The following ADGRG6 variants were observed in gnomAD, a reference collection of about 807,000 sequenced individuals.
ADGRG6 encodes G-protein coupled receptor 126.
In ADGRG6, 84 loss-of-function variants were observed where a neutral mutation model predicts 142.4. That is an observed-to-expected ratio of 0.59 (90% confidence interval 0.49 to 0.71). The LOEUF (loss-of-function observed/expected upper bound fraction) is 0.71, where lower values mean the gene tolerates loss of function less well. Ranked by LOEUF, ADGRG6 falls within the 30% of genes least tolerant of loss-of-function variation. The pLI is 0.00. For synonymous variants in ADGRG6, 521 were observed against 520.5 expected (o/e 1.00, Z -0.01); for missense variants, 1,367 against 1,466.6 (o/e 0.93, Z 1.11).
At chr6:142,412,968 T>C (rs1238842616) in intron 18 of ADGRG6, among the ~76,000 whole-genome samples, 1 of 152,110 alleles carries the variant, frequency 6.6e-6, no homozygotes, top group Admixed American at 6.6e-5. Context: ...ATTGTCTAAA[T>C]TTTATTATGA....
intron 24 of ADGRG6, among the ~76,000 whole-genome samples, chr6:142,441,632 G>C (rs1423703780): frequency 6.6e-6 from 1 of 152,158 alleles, no homozygotes; most frequent in Non-Finnish European, 1.5e-5. Context: ...CATGCCACTG[G>C]AAGTTACAAA....
chr6:142,385,368 GC>G (rs1416214827), intron 6 of ADGRG6, among the ~76,000 whole-genome samples: 1 of 152,108 alleles, frequency 6.6e-6, no homozygotes, highest in Non-Finnish European at 1.5e-5. Context: ...AATGTCATCA[GC>G]GTTTAAAAAT....
chr6:142,327,192 CATAAA>C (rs1294487703), intron 2 of ADGRG6, among the ~76,000 whole-genome samples: 2 of 150,316 alleles, frequency 1.3e-5, no homozygotes, highest in Non-Finnish European at 1.5e-5. Context: ...TTTAAAGCCT[CATAAA>C]ATAAAGAATG....
At chr6:142,328,612 A>T (rs1778896326) in intron 2 of ADGRG6, among the ~76,000 whole-genome samples, 1 of 152,130 alleles carries the variant, frequency 6.6e-6, no homozygotes, top group South Asian at 2.1e-4. Flanking sequence ...TTCTTCTATT[A>T]TGTTTCAATT....
chr6:142,351,284 A>G (rs893137131), intron 2 of ADGRG6, among the ~76,000 whole-genome samples: 1 of 152,140 alleles, frequency 6.6e-6, no homozygotes, highest in African/African-American at 2.4e-5. Context: ...TGGGGGCATC[A>G]CACTACCAGA....
intron 2 of ADGRG6, among the ~76,000 whole-genome samples, chr6:142,346,501 T>C (rs1779908250): frequency 6.6e-6 from 1 of 152,158 alleles, no homozygotes; most frequent in Admixed American, 6.6e-5. Flanking sequence ...GAGTTGTTTG[T>C]TTTTTTCTTG....
chr6:142,310,479 T>A (rs1008476307), intron 2 of ADGRG6, among the ~76,000 whole-genome samples: 1 of 151,748 alleles, frequency 6.6e-6, no homozygotes, highest in African/African-American at 2.4e-5. Flanking sequence ...TGAAGTCTTA[T>A]GTATTTATTA....
chr6:142,402,041 A>G lies in ADGRG6; in HGVS notation c.1727A>G (p.Asp576Gly). Residue 576 changes from aspartate to glycine, a missense_variant, in exon 12 of 25, where the codon GAT (aspartate) becomes GGT (glycine). This residue lies in a region of ADGRG6 where 737 missense variants were observed against 746.5 expected (regional missense o/e 0.99). Coordinates refer to ENST00000367609, the MANE Select transcript of ADGRG6 (RefSeq NM_198569.3). ...TTGGTAACCTACTGGGGACCTGTTG[A>G]TATCTCCAACTGTTTAAGTAAGTGA... ...NPLVTYWGPV[D>G]ISNCLKEANE... The G allele has an allele frequency of 2.6e-6, 4 of 1,549,942 alleles. No individual in the cohort carries two copies. Among genetic ancestry groups the G allele is most frequent in the African/African-American group, 1.4e-5 (1 of 73,886 alleles).
intron 2 of ADGRG6, among the ~76,000 whole-genome samples, chr6:142,348,114 A>G (rs1204703731): frequency 1.3e-5 from 2 of 152,170 alleles, no homozygotes; most frequent in African/African-American, 4.8e-5. Flanking sequence ...TGAACCCATT[A>G]GCTGCATGGT....
At chr6:142,428,951 C>G (rs1198904698) in intron 22 of ADGRG6, among the ~76,000 whole-genome samples, 1 of 152,092 alleles carries the variant, frequency 6.6e-6, no homozygotes, top group Non-Finnish European at 1.5e-5. Context: ...AATTACATGT[C>G]TATCTGCTTT....
intron 2 of ADGRG6, among the ~76,000 whole-genome samples, chr6:142,333,899 C>T (rs974816056): frequency 4.6e-5 from 7 of 152,120 alleles, no homozygotes; most frequent in Non-Finnish European, 8.8e-5. Flanking sequence ...ACTTTAATTC[C>T]GGCCTTCTGT....
At position 142,370,763 on chromosome 6, in the gene ADGRG6, G is replaced by A; in HGVS notation, c.1039G>A (p.Ala347Thr). 1.2e-6 allele frequency: 2 copies of A among 1,612,580 alleles called. No homozygotes were observed. The highest frequency in any genetic ancestry group is 1.7e-6 in the Non-Finnish European group (2 of 1,179,440). ...TGACTTCTGGAATATCCCAAACCTA[G>A]CTCTGAAAGCTGAAAGCAACCTAAG... is the stretch of plus-strand genomic sequence containing the variant. Reference protein sequence around the residue: ...QNDFWNIPNLALKAESNLSCG... With the variant: ...QNDFWNIPNLTLKAESNLSCG... Residue 347 changes from alanine to threonine, a missense_variant, in exon 4 of 25, where the codon GCT becomes ACT. Physicochemically the swap from Ala to Thr is moderately conservative, Grantham distance 58. Transcript: ENST00000367609.
rs775261974 is a variant in ADGRG6, at chr6:142,418,156, A to G, written c.3035+787A>G. Among the ~76,000 whole-genome samples, 39 of 152,020 alleles carry G rather than the reference A, an allele frequency of 2.6e-4. 1 individual carries two copies. Among genetic ancestry groups the G allele is most frequent in the African/African-American group, 9.4e-4 (39 of 41,484 alleles). On this transcript the variant is annotated intron_variant, in intron 21 of 24. Transcript: ENST00000367609. The stretch of plus-strand genomic sequence containing the variant: ...TTAAAAATACAAAAATTAGCTGGGC[A>G]TGGTGGTGCATAGCTATAATCCCAG...
intron 2 of ADGRG6, among the ~76,000 whole-genome samples, chr6:142,353,847 T>C (rs1044061730): frequency 3.9e-5 from 6 of 152,208 alleles, no homozygotes; most frequent in African/African-American, 1.4e-4. Context: ...CTGGATAGGA[T>C]ATAGTGCTGT....
chr6:142,416,957 C>T (rs533276655), intron 20 of ADGRG6, among the ~76,000 whole-genome samples: 4 of 152,312 alleles, frequency 2.6e-5, no homozygotes, highest in African/African-American at 9.6e-5. Flanking sequence ...AAACCACATT[C>T]ACTAGTGCTA....
intron 10 of ADGRG6, among the ~76,000 whole-genome samples, chr6:142,398,649 T>C (rs532983075): frequency 3.0e-4 from 45 of 152,306 alleles, no homozygotes; most frequent in African/African-American, 8.4e-4. Flanking sequence ...TCTATATCTT[T>C]GCACACTGTT....
chr6:142,414,908 A>C, intron 18 of ADGRG6, 61 bp from the exon 19 acceptor site: 1 of 1,484,758 alleles, frequency 6.7e-7, no homozygotes, highest in Non-Finnish European at 9.1e-7. Context: ...TTTCTAGTGA[A>C]ACAGAGAACC....
rs78888847 is a variant in ADGRG6 at position 142,338,762 on chromosome 6, C to A, written c.104-28807C>A. On this transcript the variant is annotated intron_variant, in intron 2 of 24. Transcript: ENST00000367609. ...CTAAAAGAAGTATAATTCTTAATTT[C>A]ATCTGATATGTAACTGAAACATTTT... 9.5e-3 allele frequency among the ~76,000 whole-genome samples: 1,450 copies of A among 152,110 alleles called. 58 individuals are homozygous for A. The highest frequency in any genetic ancestry group is 0.075 in the East Asian group (391 of 5,186).
chr6:142,318,783 C>T (rs1350326223), intron 2 of ADGRG6, among the ~76,000 whole-genome samples: 3 of 151,896 alleles, frequency 2.0e-5, no homozygotes, highest in African/African-American at 7.3e-5. Flanking sequence ...TAGAAGCATG[C>T]ATATTTCTCA....
Sources: allele counts gnomAD v4.1 joint callset (sites outside exome capture counted in the v4.1 genomes callset), GRCh38; gene constraint gnomAD v4.1.1; regional missense constraint gnomAD v4.1.1; transcripts MANE v1.5; gene names NCBI Gene and HGNC (gene_info 2026-07-23, HGNC 2026-07-21).